OTUD7A: variants seen among roughly 807,000 people sequenced by gnomAD.
The protein encoded by OTUD7A is OTU domain-containing protein 7A.
In OTUD7A, 12 loss-of-function variants were observed where a neutral mutation model predicts 65.7. The observed-to-expected ratio is 0.18, with a 90% CI of 0.12 to 0.30. OTUD7A has a LOEUF of 0.30. Ranked by LOEUF, OTUD7A falls within the 10% of genes least tolerant of loss-of-function variation. The probability of loss-of-function intolerance (pLI) is 1.00; values close to 1 mark genes in which losing one functional copy is unlikely to be tolerated. For synonymous variants in OTUD7A, 641 were observed against 586.3 expected (o/e 1.09, Z -1.35); for missense variants, 1,148 against 1,304.8 (o/e 0.88, Z 1.85).
intron 1 of OTUD7A, among the ~76,000 whole-genome samples, chr15:31,785,197 T>C (rs561781700): frequency 6.6e-6 from 1 of 152,338 alleles, no homozygotes; most frequent in East Asian, 1.9e-4. Context: ...AACCAGACCA[T>C]GCAAGTACAC....
intron 4 of OTUD7A, among the ~76,000 whole-genome samples, chr15:31,562,884 T>C (rs1888739287): frequency 6.6e-6 from 1 of 152,204 alleles, no homozygotes; most frequent in African/African-American, 2.4e-5. Context: ...CAGGTCTTTT[T>C]CTGGGCCCTG....
chr15:31,750,403 CAA>C lies in OTUD7A; in HGVS notation c.-99-93328_-99-93327del, dbSNP rs3080850. Among the ~76,000 whole-genome samples, 139 of 88,306 alleles carry C rather than the reference CAA, an allele frequency of 1.6e-3. 1 individual carries two copies. Among genetic ancestry groups the C allele is most frequent in the African/African-American group, 5.6e-3 (131 of 23,196 alleles). 57.9% of individuals were successfully genotyped at this position (88,306 alleles called of 152,430 possible). A position where few individuals can be genotyped will look rare whatever the true frequency, so the allele number is the denominator to read the frequency against. ...AGCCCGGGCAACAGAGAATCTGACT[CAA>C]AAAAAAAAAAAAAAAAAGTCATAGT... is the stretch of plus-strand genomic sequence containing the variant. On this transcript the variant is annotated intron_variant, in intron 1 of 12. Coordinates refer to ENST00000307050, the MANE Select transcript of OTUD7A (RefSeq NM_001382637.1).
chr15:31,756,806 T>C (rs117478064), intron 1 of OTUD7A, among the ~76,000 whole-genome samples: 344 of 152,280 alleles, frequency 2.3e-3, no homozygotes, highest in Non-Finnish European at 4.0e-3. Context: ...TTGACAAAAC[T>C]TCTGGCCTCA....
At chr15:31,509,916 AT>A (rs112193858) in intron 8 of OTUD7A, among the ~76,000 whole-genome samples, 17,551 of 119,478 alleles carry the variant, frequency 0.15, 1,066 homozygotes, top group Middle Eastern at 0.22. Context: ...ACTTTTTTCT[AT>A]TTTTTTTTCT....
intron 1 of OTUD7A, among the ~76,000 whole-genome samples, chr15:31,682,608 T>TA (rs1892744217): frequency 6.6e-6 from 1 of 152,220 alleles, no homozygotes; most frequent in African/African-American, 2.4e-5. Flanking sequence ...GGAGAAAAGA[T>TA]AGACTTTTCC....
chr15:31,758,409 T>C (rs1894872582), intron 1 of OTUD7A, among the ~76,000 whole-genome samples: 1 of 152,190 alleles, frequency 6.6e-6, no homozygotes. Context: ...CTTTCTCCAA[T>C]CTGGGCCTTT....
chr15:31,515,931 TATCCATCC>T (rs75133111), intron 8 of OTUD7A, among the ~76,000 whole-genome samples: 5 of 142,696 alleles, frequency 3.5e-5, no homozygotes, highest in Non-Finnish European at 6.1e-5. Flanking sequence ...CATGTACCTC[TATCCATCC>T]ATCCATCCAT....
At position 31,669,234 on chromosome 15, in the gene OTUD7A, C is replaced by A. The variant is rs557291395; in HGVS notation, c.-99-12157G>T. On this transcript the variant is annotated intron_variant, in intron 1 of 12. Coordinates refer to ENST00000307050, the MANE Select transcript of OTUD7A (RefSeq NM_001382637.1). ...ACTCCCAAGATTACATGCCATTTAT[C>A]TTCAGCTACCAGGGTGGATAGGGAA... Among the ~76,000 whole-genome samples, 318 of 152,202 alleles carry A rather than the reference C, an allele frequency of 2.1e-3. 6 individuals carry two copies. Among genetic ancestry groups the A allele is most frequent in the African/African-American group, 5.0e-3 (207 of 41,534 alleles).
At chr15:31,492,595 AAAAAC>A (rs1262963009) in intron 10 of OTUD7A, among the ~76,000 whole-genome samples, 100 of 152,118 alleles carry the variant, frequency 6.6e-4, no homozygotes, top group African/African-American at 2.2e-3. Flanking sequence ...AAAAAAAAAA[AAAAAC>A]AAATCTCATT....
chr15:31,784,263 C>T (rs1895614556), intron 1 of OTUD7A, among the ~76,000 whole-genome samples: 1 of 152,086 alleles, frequency 6.6e-6, no homozygotes, highest in African/African-American at 2.4e-5. Flanking sequence ...CAAAGATATC[C>T]ACAATTACCT....
At chr15:31,632,790 CT>C (rs1891214991) in intron 3 of OTUD7A, among the ~76,000 whole-genome samples, 1 of 79,402 alleles carries the variant, frequency 1.3e-5, no homozygotes, top group East Asian at 3.4e-4. Flanking sequence ...AGCTTCCCGG[CT>C]GCTTTGTTTG....
At chr15:31,742,375 C>T (rs1480487723) in intron 1 of OTUD7A, among the ~76,000 whole-genome samples, 1 of 151,976 alleles carries the variant, frequency 6.6e-6, no homozygotes, top group Non-Finnish European at 1.5e-5. Context: ...CAATATTTGC[C>T]ACATCAACAG....
intron 1 of OTUD7A, among the ~76,000 whole-genome samples, chr15:31,844,973 G>A (rs1897264788): frequency 6.6e-6 from 1 of 152,096 alleles, no homozygotes; most frequent in Admixed American, 6.5e-5. Context: ...AATTCATGTG[G>A]GATACAAGGA....
chr15:31,741,243 T>C (rs1172491905), intron 1 of OTUD7A, among the ~76,000 whole-genome samples: 1 of 152,168 alleles, frequency 6.6e-6, no homozygotes, highest in Non-Finnish European at 1.5e-5. Flanking sequence ...AAATAACCCA[T>C]AGGATTTGCT....
In OTUD7A at chr15:31,588,255, G is replaced by A. The variant is rs189126733; in HGVS notation, c.152-18058C>T. ...GAGTCTCAGGAATATCTTGTTGTAG[G>A]AAAGGAGAAAGTTCCTAAATATTCA... On this transcript the variant is annotated intron_variant, in intron 3 of 12. Transcript: ENST00000307050. Among the ~76,000 whole-genome samples, 289 of 152,312 alleles carry A rather than the reference G, an allele frequency of 1.9e-3. 1 individual carries two copies. Among genetic ancestry groups the A allele is most frequent in the African/African-American group, 6.5e-3 (270 of 41,562 alleles).
At position 31,858,812 on chromosome 15, in the gene OTUD7A, G is replaced by A. The variant is rs190219221; in HGVS notation, c.-100+11695C>T. Among the ~76,000 whole-genome samples the A allele has an allele frequency of 1.8e-3, 280 of 152,246 alleles. 1 individual carries two copies. Among genetic ancestry groups the A allele is most frequent in the Non-Finnish European group, 3.0e-3 (205 of 68,020 alleles). ...GTCTTCATTTCAGCCTCTCACAGAC[G>A]TCACTAAAATGTCAGGGAGGCAGTG... On this transcript the variant is annotated intron_variant, in intron 1 of 12. Transcript: ENST00000307050.
intron 1 of OTUD7A, among the ~76,000 whole-genome samples, chr15:31,717,660 T>A (rs1893627616): frequency 6.6e-6 from 1 of 152,204 alleles, no homozygotes; most frequent in East Asian, 1.9e-4. Flanking sequence ...TTTGGGTTGG[T>A]CCCAAGTCTT....
At chr15:31,642,174 T>C (rs1238077744) in intron 3 of OTUD7A, among the ~76,000 whole-genome samples, 1 of 152,246 alleles carries the variant, frequency 6.6e-6, no homozygotes. Flanking sequence ...GAGATGATTG[T>C]ATACCTTCTG....
intron 1 of OTUD7A, among the ~76,000 whole-genome samples, chr15:31,788,970 C>T (rs192182723): frequency 5.7e-4 from 87 of 152,246 alleles, no homozygotes; most frequent in African/African-American, 2.0e-3. Context: ...ATGCCAGGAC[C>T]CAAACCCTAG....
Sources: gnomAD v4.1 joint callset for allele counts (sites outside exome capture counted in the v4.1 genomes callset) on GRCh38, gnomAD v4.1.1 for gene constraint, MANE v1.5 for transcripts, NCBI Gene and HGNC (gene_info 2026-07-23, HGNC 2026-07-21) for gene names.